The following EIF2AK1 variants were observed in gnomAD, a reference collection of about 807,000 sequenced individuals.
EIF2AK1 encodes eukaryotic translation initiation factor 2 alpha kinase 1.
EIF2AK1 carries 54 observed loss-of-function variants against 77.9 expected under a neutral mutation model. The observed-to-expected ratio is 0.69, with a 90% confidence interval of 0.56 to 0.87. EIF2AK1 has a LOEUF of 0.87. Ranked by LOEUF, EIF2AK1 falls within the 40% of genes least tolerant of loss-of-function variation. The probability of loss-of-function intolerance (pLI) is 0.00; values close to 1 mark genes in which losing one functional copy is unlikely to be tolerated. For synonymous variants in EIF2AK1, 314 were observed against 290.5 expected (o/e 1.08, Z -0.82); for missense variants, 810 against 768.6 (o/e 1.05, Z -0.64).
chr7:6,035,957 C>G lies in EIF2AK1; in HGVS notation c.1332+1467G>C, dbSNP rs774136178. 31 of 1,549,414 alleles carry G rather than the reference C, an allele frequency of 2.0e-5. No homozygotes were observed. The highest frequency in any genetic ancestry group is 2.6e-5 in the Non-Finnish European group (30 of 1,146,206). On this transcript the variant is annotated intron_variant, in intron 11 of 14. Transcript: ENST00000199389. This position sits in a 1 kb window ranked among gnomAD's most constrained non-coding sequence, Gnocchi z 5.5. ...GAGCCAAAGTCAACGCCCAGGACTA[C>G]AAGGGCCAAACAGCCATCCATGAGG...
rs751326627 is a variant in EIF2AK1 at position 6,054,567 on chromosome 7, G to C, written c.256C>G (p.Arg86Gly). 7 of 1,614,080 alleles carry C rather than the reference G, an allele frequency of 4.3e-6. No individual in the cohort carries two copies. The highest frequency in any genetic ancestry group is 2.2e-5 in the East Asian group (1 of 44,888). ...TTACGCTTAAACACCTGTCTTGAAC[G>C]AAGTGGGTTTGGTTCATGCACGTGG... ...LSHVHEPNPL[R>G]SRQVFKLLCQ... Residue 86 changes from arginine (R) to glycine (G), a missense_variant, in exon 2 of 15, where the codon CGT (arginine) becomes GGT (glycine). Coordinates refer to ENST00000199389, the MANE Select transcript of EIF2AK1 (RefSeq NM_014413.4).
At chr7:6,057,775 G>GCGAC (rs1788827986) in intron 1 of EIF2AK1, among the ~76,000 whole-genome samples, 1 of 151,930 alleles carries the variant, frequency 6.6e-6, no homozygotes, top group Non-Finnish European at 1.5e-5. Context: ...GGGATTACAG[G>GCGAC]CGACCGCCAC....
At position 6,040,938 on chromosome 7, in the gene EIF2AK1, G is replaced by C. The variant is rs1788279227; in HGVS notation, c.1073C>G (p.Thr358Ser). ...GACATTTTCTTCGGAAGATTCTTCG[G>C]TGGATGTGAAACTCTCCTCTAGGTG... ...NSHLEESFTS[T>S]EESSEENVNF... Residue 358 changes from threonine to serine, a missense_variant, in exon 9 of 15, where the codon ACC becomes AGC. Thr to Ser is a moderately conservative substitution (Grantham distance 58, BLOSUM62 1). This residue lies in a region of EIF2AK1 where 549 missense variants were observed against 533.7 expected (regional missense o/e 1.03). Transcript: ENST00000199389. 9 of 1,614,130 alleles carry C rather than the reference G, an allele frequency of 5.6e-6. No individual in the cohort carries two copies. The Middle Eastern group carries it at 4.9e-4, about 89-fold the overall frequency.
chr7:6,026,471 T>G (rs1243870546), intron 14 of EIF2AK1: 1 of 643,648 alleles, frequency 1.6e-6, no homozygotes, highest in Non-Finnish European at 3.0e-6. Context: ...AGCCCTCCGC[T>G]CCTCTTTGTG....
intron 11 of EIF2AK1, among the ~76,000 whole-genome samples, chr7:6,030,787 G>A (rs564503224): frequency 8.4e-4 from 128 of 152,242 alleles, no homozygotes; most frequent in African/African-American, 2.8e-3. Flanking sequence ...ATGAGCGACC[G>A]CACCCAGCCA....
In EIF2AK1 at chr7:6,040,921, C is replaced by T; in HGVS notation, c.1090G>A (p.Glu364Lys). 8.1e-6 allele frequency: 13 copies of T among 1,614,110 alleles called. No individual in the cohort carries two copies. The highest frequency in any genetic ancestry group is 1.1e-5 in the Non-Finnish European group (13 of 1,180,000). Residue 364 changes from glutamate to lysine, a missense_variant, in exon 9 of 15, where the codon GAA (glutamate) becomes AAA (lysine). Physicochemically the swap from Glu to Lys is moderately conservative, Grantham distance 56 (BLOSUM62 1). Transcript: ENST00000199389. The part of the protein sequence containing the change: ...SFTSTEESSE[E>K]NVNFLGQTEA... ...GTCTGACCCAAAAAGTTGACATTTT[C>T]TTCGGAAGATTCTTCGGTGGATGTG...
chr7:6,059,078 C>A lies in EIF2AK1; in HGVS notation c.6G>T (p.Gln2His). The A allele has an allele frequency of 1.4e-6, 2 of 1,406,102 alleles. No individual in the cohort carries two copies. The highest frequency in any genetic ancestry group is 1.6e-5 in the South Asian group (1 of 64,174). The allele number at this position is 1,406,102 out of a possible 1,614,324, so 87.1% of individuals were successfully genotyped here. Residue 2 changes from glutamine (Q) to histidine (H), a missense_variant, in exon 1 of 15, where the codon CAG becomes CAT. By Grantham distance (24) the Gln-to-His change is conservative. Coordinates refer to ENST00000199389, the MANE Select transcript of EIF2AK1 (RefSeq NM_014413.4). M[Q>H]GGNSGVRKRE... ...GCTTGCGGACCCCGGAGTTGCCCCC[C>A]TGCATCGCCGGCCGCGCGCGGGCCG...
In EIF2AK1 at chr7:6,032,736, G is replaced by T; in HGVS notation, c.1333-3704C>A. On this transcript the variant is annotated intron_variant, in intron 11 of 14. Transcript: ENST00000199389. This position sits in a 1 kb window ranked among gnomAD's most constrained non-coding sequence, Gnocchi z 4.3. Reference sequence around the variant, plus strand: ...CATACCAGAAAAAGAGTGAGCCAATGAGACACTAAATAAATGTATTGCCTT... The same window carrying T: ...CATACCAGAAAAAGAGTGAGCCAATTAGACACTAAATAAATGTATTGCCTT... 1.1e-6 allele frequency: 1 copy of T among 892,998 alleles called. No individual in the cohort carries two copies. The highest frequency in any genetic ancestry group is 1.7e-5 in the South Asian group (1 of 60,396). The allele number at this position is 892,998 out of a possible 1,614,324, so 55.3% of individuals were successfully genotyped here. A position where few individuals can be genotyped will look rare whatever the true frequency, so the allele number is the denominator to read the frequency against.
Position 6,023,299 on chromosome 7 carries a change from T to C in EIF2AK1, c.*1374A>G, listed in dbSNP as rs952349709. ...ATGCTACCTGGCGTGTTTTTTCTTT[T>C]CAGTGCCGAAGACGCAGATGAAATT... On this transcript the variant is annotated 3_prime_UTR_variant, in exon 15 of 15. Transcript: ENST00000199389. 4 of 1,585,314 alleles carry C rather than the reference T, an allele frequency of 2.5e-6. No homozygotes were observed. Among genetic ancestry groups the C allele is most frequent in the Admixed American group, 1.8e-5 (1 of 56,166 alleles).
rs562742367 is a variant in EIF2AK1 at position 6,022,310 on chromosome 7, A to G, written c.*2363T>C. The G allele has an allele frequency of 3.3e-5, 5 of 152,188 alleles. No individual in the cohort carries two copies. Among genetic ancestry groups the G allele is most frequent in the Non-Finnish European group, 7.3e-5 (5 of 68,036 alleles). 9.4% of individuals were successfully genotyped at this position (152,188 alleles called of 1,614,324 possible). ...ATAGCATATAATATACAGACCATAC[A>G]AAACGTGTTAATCAACTGTGATGGG... On this transcript the variant is annotated 3_prime_UTR_variant, in exon 15 of 15. Coordinates refer to ENST00000199389, the MANE Select transcript of EIF2AK1 (RefSeq NM_014413.4).
At position 6,035,195 on chromosome 7, in the gene EIF2AK1, C is replaced by CA. The variant is rs57414585; in HGVS notation, c.1332+2228dup. Reference sequence around the variant, plus strand: ...TTGTATAAAAGTGAAAATAATTTTTCAAAAAAAAAAATTATATATACATAA... The same window carrying CA: ...TTGTATAAAAGTGAAAATAATTTTTCAAAAAAAAAAAATTATATATACATAA... On this transcript the variant is annotated intron_variant, in intron 11 of 14. Coordinates refer to ENST00000199389, the MANE Select transcript of EIF2AK1 (RefSeq NM_014413.4). The surrounding 1 kb of genome is among the most constrained non-coding windows in gnomAD (Gnocchi z 5.5). 0.039 allele frequency among the ~76,000 whole-genome samples: 5,721 copies of CA among 144,938 alleles called. 373 individuals are homozygous for CA. Among genetic ancestry groups the CA allele is most frequent in the African/African-American group, 0.14 (5,418 of 39,750 alleles).
chr7:6,023,961 A>G lies in EIF2AK1; in HGVS notation c.*712T>C, dbSNP rs1263830749. The G allele has an allele frequency of 1.4e-5, 19 of 1,400,324 alleles. No individual in the cohort carries two copies. The South Asian group carries it at 2.2e-4, about 16-fold the overall frequency. The allele number at this position is 1,400,324 out of a possible 1,614,324, so 86.7% of individuals were successfully genotyped here. A position where few individuals can be genotyped will look rare whatever the true frequency, so the allele number is the denominator to read the frequency against. On this transcript the variant is annotated 3_prime_UTR_variant, in exon 15 of 15. Transcript: ENST00000199389. ...TCAGATCGCTGCCTCTGAGGGATGT[A>G]CAGATTGGCTGGGGAGCTGAGTGCT...
intron 11 of EIF2AK1, among the ~76,000 whole-genome samples, chr7:6,034,561 T>G (rs1788020781): frequency 6.6e-6 from 1 of 152,152 alleles, no homozygotes; most frequent in South Asian, 2.1e-4. Flanking sequence ...TTCCACTATT[T>G]ACTGAGCTGT....
At chr7:6,040,645 T>C (rs1318725979) in intron 9 of EIF2AK1, among the ~76,000 whole-genome samples, 7 of 152,060 alleles carry the variant, frequency 4.6e-5, no homozygotes, top group Admixed American at 4.6e-4. Context: ...AACTCTAGGG[T>C]ACACACTCAA....
chr7:6,037,752 T>C (rs1027386314), intron 10 of EIF2AK1, among the ~76,000 whole-genome samples: 1 of 151,964 alleles, frequency 6.6e-6, no homozygotes, highest in African/African-American at 2.4e-5. Context: ...TGATGGACTT[T>C]GTCAACCAGA....
chr7:6,042,483 C>G (rs1412828016), intron 8 of EIF2AK1, among the ~76,000 whole-genome samples: 1 of 151,570 alleles, frequency 6.6e-6, no homozygotes, highest in Non-Finnish European at 1.5e-5. Flanking sequence ...CAGGAAATAT[C>G]TGAAAGGAAG....
intron 1 of EIF2AK1, among the ~76,000 whole-genome samples, chr7:6,057,036 C>T (rs1376020994): frequency 6.6e-6 from 1 of 151,294 alleles, no homozygotes. Flanking sequence ...CTCACGCCTA[C>T]AATCCTAGCA....
At chr7:6,056,628 A>ATATATATATATATATATATATATGTATG (rs749747260) in intron 1 of EIF2AK1, among the ~76,000 whole-genome samples, 1 of 75,938 alleles carries the variant, frequency 1.3e-5, no homozygotes, top group South Asian at 4.0e-4. Context: ...ATATATATAT[A>ATATATATATATATATATATATATGTATG]TATATATAAA....
chr7:6,040,004 G>GT (rs1386899043), intron 9 of EIF2AK1, among the ~76,000 whole-genome samples: 2 of 152,160 alleles, frequency 1.3e-5, no homozygotes, highest in African/African-American at 4.8e-5. Context: ...CTGTGTCTTT[G>GT]TAGATGGTAT....
Sources: allele counts gnomAD v4.1 joint callset (sites outside exome capture counted in the v4.1 genomes callset), GRCh38; gene constraint gnomAD v4.1.1; regional missense constraint gnomAD v4.1.1; non-coding constraint Gnocchi (gnomAD v3.1); transcripts MANE v1.5; gene names NCBI Gene and HGNC (gene_info 2026-07-23, HGNC 2026-07-21).